FSTL5: variants seen among roughly 807,000 people sequenced by gnomAD.
FSTL5 encodes the protein follistatin-related protein 5.
A neutral mutation model predicts 89.1 loss-of-function variants in FSTL5; 62 were observed. The observed-to-expected ratio is 0.70, with a 90% CI of 0.57 to 0.86. The LOEUF (loss-of-function observed/expected upper bound fraction) is 0.86. FSTL5 is among the 40% of genes least tolerant of loss of function. FSTL5 has a pLI of 0.00. For synonymous variants in FSTL5, 383 were observed against 346.2 expected, an observed-to-expected ratio of 1.11 and a Z score of -1.18; for missense variants, 1,057 against 1,001.6, an observed-to-expected ratio of 1.06 and a Z score of -0.75.
chr4:161,415,541 C>T (rs1731743399), intron 15 of FSTL5, among the ~76,000 whole-genome samples: 1 of 152,050 alleles, frequency 6.6e-6, no homozygotes, highest in Non-Finnish European at 1.5e-5. Flanking sequence ...AGGCGTGAGT[C>T]ACCACGCTCG....
chr4:161,546,036 ATGT>A (rs1401133193), intron 8 of FSTL5, among the ~76,000 whole-genome samples: 1 of 151,788 alleles, frequency 6.6e-6, no homozygotes, highest in Non-Finnish European at 1.5e-5. Flanking sequence ...ATAAAACATA[ATGT>A]TGTAATTAAA....
chr4:161,921,628 AT>A (rs1316220570), intron 3 of FSTL5, among the ~76,000 whole-genome samples: 1 of 152,074 alleles, frequency 6.6e-6, no homozygotes, highest in African/African-American at 2.4e-5. Context: ...AGTTACAGTA[AT>A]TTTTTGAGTA....
At chr4:161,998,457 C>G (rs965583080) in intron 3 of FSTL5, among the ~76,000 whole-genome samples, 3 of 152,026 alleles carry the variant, frequency 2.0e-5, no homozygotes, top group Admixed American at 2.0e-4. Context: ...CCAATCTTCC[C>G]CTTTAGGAAG....
intron 7 of FSTL5, among the ~76,000 whole-genome samples, chr4:161,617,209 T>C (rs1469549752): frequency 6.6e-6 from 1 of 152,032 alleles, no homozygotes; most frequent in East Asian, 1.9e-4. Context: ...AGATAAATTC[T>C]GGAGCTTAAA....
chr4:161,999,734 A>C (rs1736406612), intron 3 of FSTL5, among the ~76,000 whole-genome samples: 1 of 152,218 alleles, frequency 6.6e-6, no homozygotes, highest in Non-Finnish European at 1.5e-5. Context: ...TTAGAAATGA[A>C]AAATTCAAGG....
chr4:161,403,071 C>T (rs1731237139), intron 15 of FSTL5, among the ~76,000 whole-genome samples: 1 of 152,056 alleles, frequency 6.6e-6, no homozygotes. Context: ...CCTCGTGATT[C>T]GCCTGCCTCG....
At chr4:161,832,406 G>A (rs1476136198) in intron 4 of FSTL5, among the ~76,000 whole-genome samples, 2 of 152,124 alleles carry the variant, frequency 1.3e-5, no homozygotes, top group African/African-American at 4.8e-5. Flanking sequence ...AAATGAGTTA[G>A]GGAGGATTCC....
At chr4:161,560,577 T>C (rs1446730632) in intron 8 of FSTL5, among the ~76,000 whole-genome samples, 1 of 151,820 alleles carries the variant, frequency 6.6e-6, no homozygotes, top group Admixed American at 6.6e-5. Context: ...TTTTTTTCTG[T>C]TTATACAATT....
chr4:162,075,351 G>A (rs1446108117), intron 2 of FSTL5, among the ~76,000 whole-genome samples: 1 of 151,838 alleles, frequency 6.6e-6, no homozygotes, highest in Non-Finnish European at 1.5e-5. Flanking sequence ...CTGAGACAGA[G>A]GCCATCTTCC....
chr4:161,806,080 G>A (rs1260384883), intron 4 of FSTL5, among the ~76,000 whole-genome samples: 2 of 152,060 alleles, frequency 1.3e-5, no homozygotes, highest in Admixed American at 1.3e-4. Flanking sequence ...TCTACTGGGG[G>A]TCTTGGAACA....
chr4:161,934,653 AT>A (rs1734384657), intron 3 of FSTL5, among the ~76,000 whole-genome samples: 1 of 151,512 alleles, frequency 6.6e-6, no homozygotes. Context: ...TAATTTTCTC[AT>A]CTGTAAAATG....
intron 12 of FSTL5, among the ~76,000 whole-genome samples, chr4:161,490,574 A>G (rs1014189763): frequency 5.9e-5 from 9 of 152,114 alleles, no homozygotes; most frequent in Non-Finnish European, 1.2e-4. Context: ...ATCTTACAAT[A>G]CAGATGGTGC....
chr4:161,672,415 C>T (rs142703758), intron 6 of FSTL5, among the ~76,000 whole-genome samples: 46 of 152,198 alleles, frequency 3.0e-4, no homozygotes, highest in Middle Eastern at 3.4e-3. Flanking sequence ...GCACAGGAGC[C>T]TAACTTCATT....
At chr4:161,974,229 G>A (rs1350269670) in intron 3 of FSTL5, among the ~76,000 whole-genome samples, 3 of 152,106 alleles carry the variant, frequency 2.0e-5, no homozygotes, top group Non-Finnish European at 4.4e-5. Flanking sequence ...AGCTACCAAT[G>A]ACTTTCTTCA....
intron 13 of FSTL5, among the ~76,000 whole-genome samples, chr4:161,471,968 A>G (rs1733956427): frequency 7.5e-6 from 1 of 132,538 alleles, no homozygotes; most frequent in East Asian, 2.4e-4. Flanking sequence ...TAGCTTGTCA[A>G]TTTTCTTGAT....
At chr4:161,860,530 G>A (rs1341392711) in intron 4 of FSTL5, among the ~76,000 whole-genome samples, 1 of 152,188 alleles carries the variant, frequency 6.6e-6, no homozygotes, top group Non-Finnish European at 1.5e-5. Flanking sequence ...GCTTAAAACT[G>A]AAAGCAAGTT....
chr4:162,153,038 T>A (rs1001826982), intron 1 of FSTL5, among the ~76,000 whole-genome samples: 2 of 152,198 alleles, frequency 1.3e-5, no homozygotes, highest in Non-Finnish European at 2.9e-5. Flanking sequence ...ATTTTACAAA[T>A]TGAAGTTCAT....
intron 1 of FSTL5, among the ~76,000 whole-genome samples, chr4:162,127,578 T>C (rs984003649): frequency 2.0e-5 from 3 of 152,234 alleles, no homozygotes. Context: ...TCTTTGAAGT[T>C]ACTTAGATGA....
intron 3 of FSTL5, among the ~76,000 whole-genome samples, chr4:161,966,079 CA>C (rs1735319040): frequency 6.6e-6 from 1 of 151,988 alleles, no homozygotes; most frequent in Non-Finnish European, 1.5e-5. Flanking sequence ...CTTATTGCCA[CA>C]AAGACAACTT....
Sources: gnomAD v4.1 joint callset for allele counts (sites outside exome capture counted in the v4.1 genomes callset) on GRCh38, gnomAD v4.1.1 for gene constraint, MANE v1.5 for transcripts, NCBI Gene and HGNC (gene_info 2026-07-23, HGNC 2026-07-21) for gene names.